The following NRXN3 variants were observed in gnomAD, a reference collection of about 807,000 sequenced individuals.
NRXN3 encodes neurexin III.
Under a neutral mutation model 137.6 loss-of-function variants are expected in NRXN3, and 32 were observed. The observed-to-expected ratio is 0.23, with a 90% CI of 0.18 to 0.31. The LOEUF is 0.31. NRXN3 is among the 10% of genes least tolerant of loss of function. NRXN3 has a pLI of 1.00. For synonymous variants in NRXN3, 798 were observed against 784.5 expected (o/e 1.02, Z -0.29); for missense variants, 1,574 against 2,062.5 (o/e 0.76, Z 4.59).
chr14:78,852,334 T>C (rs1226675243), intron 10 of NRXN3, among the ~76,000 whole-genome samples: 1 of 152,224 alleles, frequency 6.6e-6, no homozygotes, highest in Non-Finnish European at 1.5e-5. Context: ...GCTGCTGTTG[T>C]AGTATTAACA....
chr14:78,291,066 T>C (rs1000532509), intron 3 of NRXN3, among the ~76,000 whole-genome samples: 5 of 152,156 alleles, frequency 3.3e-5, no homozygotes, highest in African/African-American at 9.7e-5. Context: ...TGAGCCAGGG[T>C]CATAAATGAA....
intron 2 of NRXN3, among the ~76,000 whole-genome samples, chr14:78,274,614 C>T (rs769725543): frequency 2.0e-5 from 3 of 152,180 alleles, no homozygotes; most frequent in Non-Finnish European, 4.4e-5. Context: ...TTCCCTTGGA[C>T]TTGAGGATGA....
intron 4 of NRXN3, among the ~76,000 whole-genome samples, chr14:78,302,077 G>A (rs148746546): frequency 6.6e-6 from 1 of 152,134 alleles, no homozygotes; most frequent in Non-Finnish European, 1.5e-5. Context: ...TGACCTCATA[G>A]GCACAGCCAC....
intron 4 of NRXN3, among the ~76,000 whole-genome samples, chr14:78,427,701 G>T (rs1345744394): frequency 6.6e-6 from 1 of 152,130 alleles, no homozygotes; most frequent in African/African-American, 2.4e-5. Flanking sequence ...AGACTAAGTG[G>T]GACAGAGTCT....
intron 16 of NRXN3, among the ~76,000 whole-genome samples, chr14:79,469,949 T>C (rs1234387532): frequency 6.6e-6 from 1 of 152,210 alleles, no homozygotes; most frequent in Non-Finnish European, 1.5e-5. Flanking sequence ...ACCAGCTTTT[T>C]GTTTTGGACA....
intron 15 of NRXN3, among the ~76,000 whole-genome samples, chr14:79,123,654 G>T (rs2055878514): frequency 6.6e-6 from 1 of 152,146 alleles, no homozygotes; most frequent in Admixed American, 6.5e-5. Context: ...GAAAATGTTT[G>T]CTGTAATTTC....
intron 15 of NRXN3, among the ~76,000 whole-genome samples, chr14:79,292,332 G>A (rs1319768372): frequency 6.6e-6 from 1 of 152,136 alleles, no homozygotes; most frequent in Non-Finnish European, 1.5e-5. Flanking sequence ...TGACAGGGAA[G>A]CCCATTGGTG....
At chr14:79,448,312 C>A (rs544699654) in intron 15 of NRXN3, among the ~76,000 whole-genome samples, 1 of 152,310 alleles carries the variant, frequency 6.6e-6, no homozygotes, top group South Asian at 2.1e-4. Context: ...CCAACCCATT[C>A]TAAACAGCCC....
intron 8 of NRXN3, among the ~76,000 whole-genome samples, chr14:78,773,309 T>C (rs1397920551): frequency 6.6e-6 from 1 of 152,132 alleles, no homozygotes; most frequent in Non-Finnish European, 1.5e-5. Context: ...GGGTCATCTA[T>C]TGATATTGAA....
At chr14:79,100,417 T>A (rs2051062829) in intron 15 of NRXN3, among the ~76,000 whole-genome samples, 1 of 152,250 alleles carries the variant, frequency 6.6e-6, no homozygotes, top group Admixed American at 6.5e-5. Flanking sequence ...CTTTGCAATA[T>A]TTAGTCTTGC....
chr14:78,716,290 G>A (rs2098433636), intron 8 of NRXN3, among the ~76,000 whole-genome samples: 1 of 152,198 alleles, frequency 6.6e-6, no homozygotes. Context: ...TATATGCCAA[G>A]CACACAGAAT....
At chr14:78,470,722 A>G (rs1045823923) in intron 4 of NRXN3, among the ~76,000 whole-genome samples, 1 of 152,104 alleles carries the variant, frequency 6.6e-6, no homozygotes, top group African/African-American at 2.4e-5. Context: ...TAAAGAAGAG[A>G]TATTTGTGTA....
At chr14:78,267,732 T>C (rs571754939) in intron 2 of NRXN3, among the ~76,000 whole-genome samples, 1 of 152,302 alleles carries the variant, frequency 6.6e-6, no homozygotes, top group South Asian at 2.1e-4. Context: ...TTGAGATTTC[T>C]CCAATCAAAG....
chr14:79,509,010 C>T (rs2096906588), intron 16 of NRXN3, among the ~76,000 whole-genome samples: 1 of 151,574 alleles, frequency 6.6e-6, no homozygotes, highest in Non-Finnish European at 1.5e-5. Flanking sequence ...GCCTGGCCAA[C>T]ATGGTGAAAC....
At chr14:79,083,391 T>C (rs137965808) in intron 15 of NRXN3, among the ~76,000 whole-genome samples, 10 of 152,294 alleles carry the variant, frequency 6.6e-5, no homozygotes, top group African/African-American at 1.9e-4. Flanking sequence ...AAAGGTCAGA[T>C]GAAAACACTG....
intron 10 of NRXN3, among the ~76,000 whole-genome samples, chr14:78,852,284 G>A (rs1048950467): frequency 2.6e-5 from 4 of 152,144 alleles, no homozygotes; most frequent in Non-Finnish European, 4.4e-5. Context: ...GGCTGCATGA[G>A]TCAGTTTTTC....
intron 4 of NRXN3, among the ~76,000 whole-genome samples, chr14:78,593,292 C>G (rs2097132388): frequency 6.6e-6 from 1 of 152,182 alleles, no homozygotes; most frequent in Non-Finnish European, 1.5e-5. Context: ...GGAGGAAAAA[C>G]TCTTTGAAGT....
At chr14:79,309,081 C>A (rs1485988087) in intron 15 of NRXN3, among the ~76,000 whole-genome samples, 3 of 73,542 alleles carry the variant, frequency 4.1e-5, no homozygotes, top group East Asian at 8.1e-4. Flanking sequence ...TCCCTCCCCC[C>A]TCCCCCGACC....
chr14:78,632,927 T>G (rs543703044), intron 4 of NRXN3, among the ~76,000 whole-genome samples: 7 of 152,142 alleles, frequency 4.6e-5, no homozygotes, highest in Admixed American at 4.6e-4. Flanking sequence ...AAAAATCTTC[T>G]GATGCTTAAA....
Sources: gnomAD v4.1 joint callset for allele counts (sites outside exome capture counted in the v4.1 genomes callset) on GRCh38, gnomAD v4.1.1 for gene constraint, MANE v1.5 for transcripts, NCBI Gene and HGNC (gene_info 2026-07-23, HGNC 2026-07-21) for gene names.